DSCAM: variants seen among roughly 807,000 people sequenced by gnomAD.
DSCAM encodes cell adhesion molecule DSCAM.
DSCAM carries 47 observed loss-of-function variants against 217.7 expected under a neutral mutation model. That is an observed-to-expected ratio of 0.22 (90% CI 0.17 to 0.28). DSCAM has a LOEUF of 0.28. Ranked by LOEUF, DSCAM falls within the 10% of genes least tolerant of loss-of-function variation. DSCAM has a pLI of 1.00. For synonymous variants in DSCAM, 1,056 were observed against 1,015.3 expected (o/e 1.04, Z -0.76); for missense variants, 2,080 against 2,618.3 (o/e 0.79, Z 4.49).
chr21:40,295,360 GT>G (rs1467234245), intron 10 of DSCAM, among the ~76,000 whole-genome samples: 2 of 152,108 alleles, frequency 1.3e-5, no homozygotes, highest in Admixed American at 6.6e-5. Flanking sequence ...AACAGAAATT[GT>G]TTTTCCAAAG....
At chr21:40,430,862 C>T (rs569706214) in intron 3 of DSCAM, among the ~76,000 whole-genome samples, 7 of 152,188 alleles carry the variant, frequency 4.6e-5, no homozygotes, top group Non-Finnish European at 1.0e-4. Flanking sequence ...ACACACAGCA[C>T]GTGCTTCACA....
At chr21:40,700,925 T>C (rs2090649552) in intron 2 of DSCAM, among the ~76,000 whole-genome samples, 1 of 152,058 alleles carries the variant, frequency 6.6e-6, no homozygotes, top group African/African-American at 2.4e-5. Context: ...CTAGTAGAGA[T>C]GGATTTTCAC....
intron 16 of DSCAM, among the ~76,000 whole-genome samples, chr21:40,165,697 G>A (rs2090587480): frequency 1.3e-5 from 2 of 152,058 alleles, no homozygotes; most frequent in African/African-American, 4.8e-5. Context: ...TCTCATGCAG[G>A]ACCCAAAAGA....
rs1336727210 is a variant in DSCAM, at chr21:40,674,051, T to C, written c.508+18759A>G. On this transcript the variant is annotated intron_variant, in intron 3 of 32. Coordinates refer to ENST00000400454, the MANE Select transcript of DSCAM (RefSeq NM_001389.5). ...CAATCACTTTGACATTCGTGCTGCATGGAACTGGGTTGCTATTGCTTAATG... is the reference window on the plus strand; with the variant it reads ...CAATCACTTTGACATTCGTGCTGCACGGAACTGGGTTGCTATTGCTTAATG... Among the ~76,000 whole-genome samples the C allele has an allele frequency of 3.3e-5, 5 of 152,260 alleles. No individual in the cohort carries two copies. In the East Asian group the frequency reaches 9.6e-4, roughly 29 times the overall value.
chr21:40,602,143 C>T (rs532598684), intron 3 of DSCAM, among the ~76,000 whole-genome samples: 2 of 149,098 alleles, frequency 1.3e-5, no homozygotes, highest in Non-Finnish European at 3.0e-5. Context: ...TCACTACAAC[C>T]TCTGTCTCCC....
rs150679894 is a variant in DSCAM at position 40,413,531 on chromosome 21, T to G, written c.509-44286A>C. ...GACTTACATGGGGCCTGTAGCCCCT[T>G]TGTTTTTGCCAATTTCTCCTATTTC... On this transcript the variant is annotated intron_variant, in intron 3 of 32. Coordinates refer to ENST00000400454, the MANE Select transcript of DSCAM (RefSeq NM_001389.5). 6.1e-3 allele frequency among the ~76,000 whole-genome samples: 926 copies of G among 152,360 alleles called. 10 individuals are homozygous for G. The highest frequency in any genetic ancestry group is 1.0e-2 in the Non-Finnish European group (677 of 68,034).
intron 4 of DSCAM, among the ~76,000 whole-genome samples, chr21:40,359,165 C>T (rs1183750748): frequency 6.6e-6 from 1 of 152,138 alleles, no homozygotes; most frequent in Non-Finnish European, 1.5e-5. Context: ...CTTCATACAT[C>T]GTTGGTGGAA....
intron 3 of DSCAM, among the ~76,000 whole-genome samples, chr21:40,382,467 A>G (rs1273656311): frequency 1.3e-5 from 2 of 152,260 alleles, no homozygotes; most frequent in Non-Finnish European, 2.9e-5. Context: ...TATAATGGGA[A>G]TAGCAGAGAA....
chr21:40,521,149 A>C (rs567224244), intron 3 of DSCAM, among the ~76,000 whole-genome samples: 10 of 152,218 alleles, frequency 6.6e-5, no homozygotes, highest in South Asian at 6.2e-4. Context: ...TAATGCCTGG[A>C]GACATTCTTT....
At chr21:40,116,713 A>G (rs117998537) in intron 20 of DSCAM, among the ~76,000 whole-genome samples, 18,388 of 150,914 alleles carry the variant, frequency 0.12, 1,236 homozygotes, top group Non-Finnish European at 0.16. Flanking sequence ...AAAAAAAGAG[A>G]GAGATTCGAC....
chr21:40,252,750 T>C (rs1368805021), intron 11 of DSCAM, among the ~76,000 whole-genome samples: 2 of 152,186 alleles, frequency 1.3e-5, no homozygotes, highest in Non-Finnish European at 2.9e-5. Flanking sequence ...TAAACTTTTT[T>C]CAAGACTATG....
chr21:40,518,218 A>G (rs900146569), intron 3 of DSCAM, among the ~76,000 whole-genome samples: 3 of 143,742 alleles, frequency 2.1e-5, no homozygotes, highest in African/African-American at 7.8e-5. Flanking sequence ...AGTTCTGACC[A>G]TTTGCAAGAG....
intron 3 of DSCAM, among the ~76,000 whole-genome samples, chr21:40,681,192 T>C (rs1289920308): frequency 6.6e-6 from 1 of 152,234 alleles, no homozygotes; most frequent in African/African-American, 2.4e-5. Flanking sequence ...GACTTGAAGA[T>C]GCCCAATAAA....
intron 3 of DSCAM, among the ~76,000 whole-genome samples, chr21:40,465,656 C>A (rs531499980): frequency 6.6e-6 from 1 of 152,274 alleles, no homozygotes; most frequent in South Asian, 2.1e-4. Context: ...GACATTTTTG[C>A]AATTTATTTT....
intron 3 of DSCAM, among the ~76,000 whole-genome samples, chr21:40,607,331 A>G (rs375192838): frequency 2.0e-5 from 3 of 152,066 alleles, no homozygotes; most frequent in African/African-American, 4.8e-5. Context: ...AAAGAACATC[A>G]TATATAAGAA....
intron 3 of DSCAM, among the ~76,000 whole-genome samples, chr21:40,628,620 T>C (rs1219015777): frequency 6.6e-6 from 1 of 152,226 alleles, no homozygotes; most frequent in East Asian, 1.9e-4. Flanking sequence ...TCTGTTACTC[T>C]ACAGAAAAAG....
chr21:40,603,595 G>T (rs1277367286), intron 3 of DSCAM, among the ~76,000 whole-genome samples: 1 of 152,004 alleles, frequency 6.6e-6, no homozygotes, highest in East Asian at 1.9e-4. Flanking sequence ...AATGTTAAAG[G>T]CAGGTTTACT....
Position 40,268,722 on chromosome 21 carries a change from G to T in DSCAM, c.2356+7375C>A, listed in dbSNP as rs770109369. On this transcript the variant is annotated intron_variant, in intron 11 of 32. Coordinates refer to ENST00000400454, the MANE Select transcript of DSCAM (RefSeq NM_001389.5). ...CCAGCACTTTGGGAGGCCAAGGCAG[G>T]CAGATCAACTGAGGTCAGGAGTTTG... is the stretch of plus-strand genomic sequence containing the variant. 8.7e-4 allele frequency among the ~76,000 whole-genome samples: 132 copies of T among 152,074 alleles called. 4 individuals carry two copies. Among genetic ancestry groups the T allele is most frequent in the Non-Finnish European group, 2.5e-4 (17 of 68,026 alleles).
At chr21:40,622,530 G>A (rs1219757582) in intron 3 of DSCAM, among the ~76,000 whole-genome samples, 1 of 152,040 alleles carries the variant, frequency 6.6e-6, no homozygotes, top group African/African-American at 2.4e-5. Flanking sequence ...ACAAATAAAT[G>A]TTGGTTTTGA....
Sources: allele counts gnomAD v4.1 joint callset (sites outside exome capture counted in the v4.1 genomes callset), GRCh38; gene constraint gnomAD v4.1.1; transcripts MANE v1.5; gene names NCBI Gene and HGNC (gene_info 2026-07-23, HGNC 2026-07-21).